ADAMTS13: variants seen among roughly 807,000 people sequenced by gnomAD.
The protein encoded by ADAMTS13 is ADAM metallopeptidase with thrombospondin type 1 motif 13, also known as A disintegrin and metalloproteinase with thrombospondin motifs 13.
ADAMTS13 carries 110 observed loss-of-function variants against 155.1 expected under a neutral mutation model. That is an observed-to-expected ratio of 0.71 (90% CI 0.61 to 0.83). The LOEUF (loss-of-function observed/expected upper bound fraction) is 0.83. ADAMTS13 is among the 40% of genes least tolerant of loss of function. The probability of loss-of-function intolerance (pLI) is 0.00; values close to 1 mark genes in which losing one functional copy is unlikely to be tolerated. For missense variants in ADAMTS13, 1,707 were observed against 1,891.7 expected, an observed-to-expected ratio of 0.90 and a Z score of 1.81; for synonymous variants, 758 against 756.4, an observed-to-expected ratio of 1.00 and a Z score of -0.03.
upstream of ADAMTS13, chr9:133,418,057 A>C: frequency 1.8e-6 from 1 of 560,528 alleles, no homozygotes; most frequent in Non-Finnish European, 3.1e-6. Context: ...GTCTCTCCAC[A>C]ACCGGCTGGA....
Position 133,425,654 on chromosome 9 carries a change from A to C in ADAMTS13, c.414+42A>C. The C allele has an allele frequency of 6.3e-7, 1 of 1,597,996 alleles. No homozygotes were observed. The highest frequency in any genetic ancestry group is 8.5e-7 in the Non-Finnish European group (1 of 1,169,748). ...AACTCAGCACACCATACAGAGCGGG[A>C]AGCCCAAGTCATCGCATCTCCATCC... On this transcript the variant is annotated intron_variant, in intron 4 of 28. Transcript: ENST00000355699. The surrounding 1 kb of genome is among the most constrained non-coding windows in gnomAD (Gnocchi z 4.6).
At chr9:133,439,876 G>A (rs1306254207) in intron 15 of ADAMTS13, among the ~76,000 whole-genome samples, 3 of 152,226 alleles carry the variant, frequency 2.0e-5, no homozygotes, top group South Asian at 2.1e-4. Flanking sequence ...CAGTCTCTTG[G>A]TGACCCAGCC....
upstream of ADAMTS13, among the ~76,000 whole-genome samples, chr9:133,419,966 G>T (rs185292736): frequency 6.6e-6 from 1 of 151,612 alleles, no homozygotes; most frequent in Non-Finnish European, 1.5e-5. Flanking sequence ...GTGCAATGGC[G>T]CAATCTCGGC....
intron 1 of ADAMTS13, among the ~76,000 whole-genome samples, chr9:133,416,497 G>C (rs1839608543): frequency 6.6e-6 from 1 of 152,200 alleles, no homozygotes; most frequent in African/African-American, 2.4e-5. Context: ...ACACGTGTGG[G>C]CTACTCGGGA....
intron 25 of ADAMTS13, chr9:133,455,840 T>C: frequency 2.6e-6 from 2 of 763,666 alleles, no homozygotes; most frequent in Non-Finnish European, 2.2e-6. Context: ...TCTGGGCTGC[T>C]CTGCATGTGC....
chr9:133,416,384 T>C (rs1554781568), intron 1 of ADAMTS13, among the ~76,000 whole-genome samples: 1 of 152,180 alleles, frequency 6.6e-6, no homozygotes, highest in African/African-American at 2.4e-5. Context: ...AAACTACTTT[T>C]TACTTTTATT....
At chr9:133,431,685 C>T (rs1244015279) in intron 8 of ADAMTS13, among the ~76,000 whole-genome samples, 3 of 151,974 alleles carry the variant, frequency 2.0e-5, no homozygotes, top group South Asian at 2.1e-4. Context: ...GACGGAGTCT[C>T]GCTCTGTCAC....
intron 28 of ADAMTS13, among the ~76,000 whole-genome samples, chr9:133,458,586 T>TAA (rs1842896432): frequency 8.1e-6 from 1 of 123,886 alleles, no homozygotes; most frequent in South Asian, 2.7e-4. Flanking sequence ...AGCGAAATGG[T>TAA]AAAGAATGGT....
chr9:133,454,631 G>A lies in ADAMTS13; in HGVS notation c.3249+12G>A, dbSNP rs782282652. The A allele has an allele frequency of 3.5e-5, 56 of 1,586,580 alleles. No homozygotes were observed. Among genetic ancestry groups the A allele is most frequent in the Admixed American group, 5.2e-5 (3 of 57,554 alleles). ...GCACCTGGATGGAGGTGAGCACAGC[G>A]GGCACTCGGAATCCCTATGGGGCTG... On this transcript the variant is annotated intron_variant, in intron 24 of 28. Transcript: ENST00000355699.
chr9:133,457,925 T>A lies in ADAMTS13; in HGVS notation c.3740T>A (p.Leu1247His), dbSNP rs782386775. Reference protein sequence around the residue: ...ETFYRECDMQLFGPWGEIVSP... With the variant: ...ETFYRECDMQHFGPWGEIVSP... ...CCACCTGCAGAATGTGACATGCAGC[T>A]CTTTGGGCCCTGGGGTGAAATCGTG... The change falls in exon 28 of 29, where the codon CTC becomes CAC. Residue 1247 changes from leucine (L) to histidine (H), a missense_variant. By Grantham distance (99) the Leu-to-His change is moderately conservative (BLOSUM62 -3). This residue lies in a region of ADAMTS13 where 961 missense variants were observed against 1,107.9 expected (regional missense o/e 0.87). Transcript: ENST00000355699. The A allele has an allele frequency of 6.2e-7, 1 of 1,613,684 alleles. No individual in the cohort carries two copies. Among genetic ancestry groups the A allele is most frequent in the Non-Finnish European group, 8.5e-7 (1 of 1,180,034 alleles).
rs782798764 is a variant in ADAMTS13 at position 133,456,623 on chromosome 9, A to T, written c.3628A>T (p.Thr1210Ser). Residue 1210 changes from threonine to serine, a missense_variant, in exon 27 of 29, where the codon ACC becomes TCC. This residue lies in a region of ADAMTS13 where 961 missense variants were observed against 1,107.9 expected (regional missense o/e 0.87). Transcript: ENST00000355699. The surrounding 1 kb of genome is among the most constrained non-coding windows in gnomAD (Gnocchi z 4.4). The part of the protein sequence containing the change: ...KLLDMTFSSK[T>S]NTLVVRQRCG... Reference sequence around the variant, plus strand: ...GTTGGACATGACTTTCAGCTCCAAGACCAACACGCTGGTGGTGAGGCAGCG... The same window carrying T: ...GTTGGACATGACTTTCAGCTCCAAGTCCAACACGCTGGTGGTGAGGCAGCG... The T allele has an allele frequency of 7.4e-6, 12 of 1,612,394 alleles. No homozygotes were observed. The highest frequency in any genetic ancestry group is 3.4e-4 in the Middle Eastern group (2 of 5,850).
intron 11 of ADAMTS13, among the ~76,000 whole-genome samples, chr9:133,435,252 T>G (rs780121230): frequency 6.7e-6 from 1 of 150,352 alleles, no homozygotes; most frequent in Non-Finnish European, 1.5e-5. Context: ...AGTGGTGCAA[T>G]CTCAGCTCCC....
At chr9:133,438,003 C>A (rs2028003) in intron 13 of ADAMTS13, 106 bp downstream of exon 13, 3 of 1,579,060 alleles carry the variant, frequency 1.9e-6, no homozygotes, top group Non-Finnish European at 1.7e-6. Context: ...CTGCAGTGCC[C>A]TCTGCAGGGG....
chr9:133,442,357 C>T (rs1841734561), intron 16 of ADAMTS13, 42 bp from the exon 17 acceptor site: 4 of 1,613,678 alleles, frequency 2.5e-6, no homozygotes, highest in African/African-American at 1.3e-5. Flanking sequence ...CAGTGACCCT[C>T]AGGGAACCCA....
chr9:133,440,365 A>G lies in ADAMTS13; in HGVS notation c.1808A>G (p.Tyr603Cys), dbSNP rs867154790. 5 of 1,613,978 alleles carry G rather than the reference A, an allele frequency of 3.1e-6. No homozygotes were observed. Among genetic ancestry groups the G allele is most frequent in the East Asian group, 2.2e-5 (1 of 44,868 alleles). The change falls in exon 16 of 29, where the codon TAT becomes TGT. Residue 603 changes from tyrosine to cysteine, a missense_variant. Coordinates refer to ENST00000355699, the MANE Select transcript of ADAMTS13 (RefSeq NM_139027.6). This position sits in a 1 kb window ranked among gnomAD's most constrained non-coding sequence, Gnocchi z 4.3. ...THLAVRIGGR[Y>C]VVAGKMSISP... ...ACAGCGGTGAGGATCGGAGGGCGCTATGTCGTGGCTGGGAAGATGAGCATC... is the reference window on the plus strand; with the variant it reads ...ACAGCGGTGAGGATCGGAGGGCGCTGTGTCGTGGCTGGGAAGATGAGCATC...
Position 133,449,635 on chromosome 9 carries a change from C to T in ADAMTS13, c.2862-148C>T, listed in dbSNP as rs374428123. ...ACTCTGCCAAGCCTCTTGGTGAGGA[C>T]ACAAGGGGGCCTCCAGAAAGAGAAC... On this transcript the variant is annotated intron_variant, in intron 22 of 28. Coordinates refer to ENST00000355699, the MANE Select transcript of ADAMTS13 (RefSeq NM_139027.6). The T allele has an allele frequency of 1.4e-4, 123 of 856,086 alleles. 3 individuals carry two copies. The Middle Eastern group carries it at 1.7e-3, about 12-fold the overall frequency. The allele number at this position is 856,086 out of a possible 1,614,324, so 53.0% of individuals were successfully genotyped here. A position where few individuals can be genotyped will look rare whatever the true frequency, so the allele number is the denominator to read the frequency against.
chr9:133,448,585 CT>C lies in ADAMTS13; in HGVS notation c.2732-11del. ...TGTCCCTTGGGGCTCTGGGTCTCTG[CT>C]TTGTCCACGCAGGTCTGATGGAGCT... On this transcript the variant is annotated splice_polypyrimidine_tract_variant and intron_variant, in intron 21 of 28. Coordinates refer to ENST00000355699, the MANE Select transcript of ADAMTS13 (RefSeq NM_139027.6). The C allele has an allele frequency of 6.2e-7, 1 of 1,608,598 alleles. No individual in the cohort carries two copies.
chr9:133,439,925 C>T (rs1171109609), intron 15 of ADAMTS13, among the ~76,000 whole-genome samples: 1 of 152,226 alleles, frequency 6.6e-6, no homozygotes, highest in East Asian at 1.9e-4. Context: ...CTGGTACAGC[C>T]AGCCCCTGCC....
intron 11 of ADAMTS13, among the ~76,000 whole-genome samples, chr9:133,434,690 C>G (rs949244803): frequency 6.6e-6 from 1 of 152,224 alleles, no homozygotes; most frequent in Non-Finnish European, 1.5e-5. Context: ...CTTTAGTACA[C>G]TCACAAGGTT....
Sources: allele counts gnomAD v4.1 joint callset (sites outside exome capture counted in the v4.1 genomes callset), GRCh38; gene constraint gnomAD v4.1.1; regional missense constraint gnomAD v4.1.1; non-coding constraint Gnocchi (gnomAD v3.1); transcripts MANE v1.5; gene names NCBI Gene and HGNC (gene_info 2026-07-23, HGNC 2026-07-21).